Variants in CLUAP1 observed in about 807,000 individuals in gnomAD.
CLUAP1 encodes clusterin-associated protein 1.
In CLUAP1, 50 loss-of-function variants were observed where a neutral mutation model predicts 55.0. The observed-to-expected ratio is 0.91, with a 90% CI of 0.72 to 1.15. The LOEUF is 1.15. Among genes scored for constraint, CLUAP1 ranks in the 50% most tolerant of loss-of-function variants. The pLI, the probability that CLUAP1 is intolerant of heterozygous loss-of-function variation, is 0.00. For missense variants in CLUAP1, 530 were observed against 507.6 expected (o/e 1.04, Z -0.42); for synonymous variants, 195 against 175.4 (o/e 1.11, Z -0.88).
In CLUAP1 at chr16:3,514,971, C is replaced by T. The variant is rs573592863; in HGVS notation, c.496-537C>T. Among the ~76,000 whole-genome samples the T allele has an allele frequency of 3.3e-5, 5 of 152,162 alleles. No homozygotes were observed. The South Asian group carries it at 1.0e-3, about 32-fold the overall frequency. ...CATGCTAGGGGCAGGGCCATGGTCA[C>T]TGTTCTTATCGGTTGCGTTTGTTAG... On this transcript the variant is annotated intron_variant, in intron 5 of 11. Transcript: ENST00000576634.
chr16:3,533,820 T>C (rs2038177322), intron 11 of CLUAP1: 2 of 152,540 alleles, frequency 1.3e-5, no homozygotes. Context: ...GTGGATGGTA[T>C]ACAGCGTCTC....
chr16:3,521,479 G>T (rs1296842527), intron 7 of CLUAP1, among the ~76,000 whole-genome samples: 2 of 150,706 alleles, frequency 1.3e-5, no homozygotes, highest in Non-Finnish European at 2.9e-5. Context: ...TTGTTGCCGA[G>T]GCTGGAGTGC....
intron 6 of CLUAP1, among the ~76,000 whole-genome samples, chr16:3,515,989 A>T (rs879071774): frequency 6.6e-6 from 1 of 152,194 alleles, no homozygotes; most frequent in Non-Finnish European, 1.5e-5. Context: ...GCTCGCTCAC[A>T]TCAGTTATCC....
rs1247602971 is a variant in CLUAP1 at position 3,538,150 on chromosome 16, TTACTTAAAAATA to T, written c.*1882_*1893del. 2 of 152,126 alleles carry T rather than the reference TTACTTAAAAATA, an allele frequency of 1.3e-5. No individual in the cohort carries two copies. Among genetic ancestry groups the T allele is most frequent in the African/African-American group, 2.4e-5 (1 of 41,418 alleles). The allele number at this position is 152,126 out of a possible 1,614,324, so 9.4% of individuals were successfully genotyped here. On this transcript the variant is annotated 3_prime_UTR_variant, in exon 12 of 12. Transcript: ENST00000576634. ...CATACTTCATATTATTAAATAGGTTTTACTTAAAAATATAATTATTGTATTTGTACCTGTCAG... is the reference window on the plus strand; with the variant it reads ...CATACTTCATATTATTAAATAGGTTTTAATTATTGTATTTGTACCTGTCAG...
chr16:3,533,070 A>G (rs1292219311), intron 11 of CLUAP1: 19 of 1,533,584 alleles, frequency 1.2e-5, no homozygotes, highest in Admixed American at 2.0e-5. Flanking sequence ...TTGCCTTCTC[A>G]CTGTTCTTTC....
chr16:3,536,025 AG>A, intron 11 of CLUAP1, 96 bp from the exon 12 acceptor site: 1 of 1,445,918 alleles, frequency 6.9e-7, no homozygotes, highest in Non-Finnish European at 9.4e-7. Flanking sequence ...TCCTTCACAC[AG>A]GGATGCTGCT....
chr16:3,512,284 C>A (rs1248835659), intron 4 of CLUAP1, 99 bp from the exon 5 acceptor site: 2 of 841,320 alleles, frequency 2.4e-6, no homozygotes, highest in Non-Finnish European at 4.0e-6. Context: ...TCACTTGAGG[C>A]CAGGAGTTAG....
chr16:3,501,003 C>G (rs1046768016), upstream of CLUAP1: 1 of 1,529,312 alleles, frequency 6.5e-7, no homozygotes, highest in Admixed American at 1.8e-5. Context: ...GATCGTCGAG[C>G]GCTGGGCCTG....
intron 8 of CLUAP1, 99 bp from the exon 9 acceptor site, chr16:3,526,313 C>T: frequency 1.6e-6 from 1 of 639,348 alleles, no homozygotes; most frequent in Non-Finnish European, 2.4e-6. Context: ...TTTTTTTGTT[C>T]TGTAGCACAA....
At chr16:3,517,275 C>G (rs1417384196) in intron 6 of CLUAP1, among the ~76,000 whole-genome samples, 1 of 151,802 alleles carries the variant, frequency 6.6e-6, no homozygotes, top group East Asian at 1.9e-4. Flanking sequence ...CTACACCCAG[C>G]TAATTATTGT....
intron 9 of CLUAP1, among the ~76,000 whole-genome samples, chr16:3,528,811 A>G (rs927488880): frequency 2.0e-5 from 3 of 151,988 alleles, no homozygotes; most frequent in Non-Finnish European, 2.9e-5. Context: ...GCATGTGGCT[A>G]TTCGGTTGTC....
At position 3,537,549 on chromosome 16, in the gene CLUAP1, G is replaced by C. The variant is rs1194670746; in HGVS notation, c.*1278G>C. The stretch of plus-strand genomic sequence containing the variant: ...CCAGGTGTGGAGGGGCATGCCTGTG[G>C]TCTCAGCTATTCAGGAGGCTGAGGC... On this transcript the variant is annotated 3_prime_UTR_variant, in exon 12 of 12. Coordinates refer to ENST00000576634, the MANE Select transcript of CLUAP1 (RefSeq NM_015041.3). 1 of 151,960 alleles carries C rather than the reference G, an allele frequency of 6.6e-6. No individual in the cohort carries two copies. Among genetic ancestry groups the C allele is most frequent in the Non-Finnish European group, 1.5e-5 (1 of 68,050 alleles). The allele number at this position is 151,960 out of a possible 1,614,324, so 9.4% of individuals were successfully genotyped here.
chr16:3,499,197 T>C (rs1053644170), upstream of CLUAP1, among the ~76,000 whole-genome samples: 1 of 152,248 alleles, frequency 6.6e-6, no homozygotes. Context: ...ATACAAAAAT[T>C]AGCTGGGCGC....
intron 6 of CLUAP1, 96 bp downstream of exon 6, chr16:3,515,687 A>T: frequency 1.3e-6 from 1 of 759,928 alleles, no homozygotes; most frequent in South Asian, 2.2e-5. Flanking sequence ...TAGGCTTAGT[A>T]ACAAGGGATG....
rs914009194 is a variant in CLUAP1 at position 3,537,235 on chromosome 16, T to C, written c.*964T>C. The C allele has an allele frequency of 6.6e-6, 1 of 152,232 alleles. No homozygotes were observed. The highest frequency in any genetic ancestry group is 2.4e-5 in the African/African-American group (1 of 41,454). 9.4% of individuals were successfully genotyped at this position (152,232 alleles called of 1,614,324 possible). On this transcript the variant is annotated 3_prime_UTR_variant, in exon 12 of 12. Transcript: ENST00000576634. ...GGAGCCAATTAAGAAAAAGTGTTGGTACAGATTCATGTTTCTGATTTAAAA... is the reference window on the plus strand; with the variant it reads ...GGAGCCAATTAAGAAAAAGTGTTGGCACAGATTCATGTTTCTGATTTAAAA...
chr16:3,529,587 ATATATT>A (rs1216673831), intron 9 of CLUAP1, among the ~76,000 whole-genome samples: 1 of 45,342 alleles, frequency 2.2e-5, no homozygotes, highest in Non-Finnish European at 3.5e-5. Flanking sequence ...ATATAATATT[ATATATT>A]ATTATATATT....
chr16:3,496,839 G>T, upstream of CLUAP1: 3 of 288,272 alleles, frequency 1.0e-5, no homozygotes, highest in East Asian at 9.8e-5. Context: ...ATTTTCTCTT[G>T]TCACAGACGA....
At chr16:3,532,958 T>A in intron 11 of CLUAP1, 117 bp downstream of exon 11, 2 of 1,346,456 alleles carry the variant, frequency 1.5e-6, no homozygotes, top group Non-Finnish European at 2.1e-6. Flanking sequence ...AGCCCGGCCG[T>A]GCCTCGATGC....
chr16:3,534,711 G>C (rs972076461), intron 11 of CLUAP1: 1 of 152,266 alleles, frequency 6.6e-6, no homozygotes, highest in African/African-American at 2.4e-5. Context: ...GAAAAATGAG[G>C]GTGCCTGGGC....
Sources: gnomAD v4.1 joint callset for allele counts (sites outside exome capture counted in the v4.1 genomes callset) on GRCh38, gnomAD v4.1.1 for gene constraint, MANE v1.5 for transcripts, NCBI Gene and HGNC (gene_info 2026-07-23, HGNC 2026-07-21) for gene names.